Variants in PTPRD observed in about 807,000 individuals in gnomAD.
PTPRD encodes protein tyrosine phosphatase receptor type D.
PTPRD carries 34 observed loss-of-function variants against 214.5 expected under a neutral mutation model. That is an observed-to-expected ratio of 0.16 (90% CI 0.12 to 0.21). PTPRD has a LOEUF of 0.21. Ranked by LOEUF, PTPRD falls within the 10% of genes least tolerant of loss-of-function variation. PTPRD has a pLI of 1.00. For missense variants in PTPRD, 2,545 were observed against 2,398.7 expected (o/e 1.06, Z -1.27); for synonymous variants, 1,128 against 845.7 (o/e 1.33, Z -5.79).
chr9:10,469,238 A>G (rs1397544058), intron 2 of PTPRD, among the ~76,000 whole-genome samples: 1 of 152,194 alleles, frequency 6.6e-6, no homozygotes, highest in African/African-American at 2.4e-5. Context: ...CAACTTTCAG[A>G]ATATTCAGCA....
At chr9:8,378,318 T>A (rs529812615) in intron 37 of PTPRD, among the ~76,000 whole-genome samples, 7 of 152,208 alleles carry the variant, frequency 4.6e-5, no homozygotes, top group Admixed American at 1.3e-4. Context: ...GGCATCTCTA[T>A]ATGTTCTTTC....
intron 8 of PTPRD, among the ~76,000 whole-genome samples, chr9:9,519,410 C>A (rs1024373303): frequency 1.3e-5 from 2 of 151,756 alleles, no homozygotes; most frequent in African/African-American, 4.8e-5. Flanking sequence ...CAGGTTGATT[C>A]TTAGAAATGA....
intron 9 of PTPRD, among the ~76,000 whole-genome samples, chr9:9,300,131 T>C (rs559369775): frequency 9.3e-5 from 14 of 150,750 alleles, no homozygotes; most frequent in Non-Finnish European, 1.6e-4. Flanking sequence ...TTCCAATCCA[T>C]GAGCTACATG....
At chr9:8,817,662 A>G (rs1156543086) in intron 11 of PTPRD, among the ~76,000 whole-genome samples, 1 of 152,186 alleles carries the variant, frequency 6.6e-6, no homozygotes, top group African/African-American at 2.4e-5. Context: ...AAAACAAAAC[A>G]AAATAAAATA....
intron 34 of PTPRD, chr9:8,437,071 A>G (rs1252823779): frequency 4.3e-6 from 3 of 691,216 alleles, no homozygotes; most frequent in East Asian, 2.8e-5. Flanking sequence ...TGTGAAATGG[A>G]AATTGTGTGG....
chr9:10,255,962 T>C (rs2498616), intron 3 of PTPRD, among the ~76,000 whole-genome samples: 23,782 of 151,948 alleles, frequency 0.16, 1,957 homozygotes, highest in African/African-American at 0.2. Flanking sequence ...CAGAAGGAGG[T>C]GAGCAGCAGG....
intron 5 of PTPRD, among the ~76,000 whole-genome samples, chr9:9,814,147 A>G (rs966146333): frequency 4.6e-5 from 7 of 152,174 alleles, no homozygotes; most frequent in African/African-American, 1.7e-4. Context: ...CATGTAAATC[A>G]ACATAATAAA....
At chr9:9,912,383 T>C (rs981705912) in intron 5 of PTPRD, among the ~76,000 whole-genome samples, 2 of 152,164 alleles carry the variant, frequency 1.3e-5, no homozygotes, top group African/African-American at 4.8e-5. Flanking sequence ...CAGTCTCCCT[T>C]GTCAAATGCC....
At chr9:8,592,676 C>T (rs956147270) in intron 14 of PTPRD, among the ~76,000 whole-genome samples, 5 of 152,140 alleles carry the variant, frequency 3.3e-5, no homozygotes, top group Non-Finnish European at 7.4e-5. Context: ...ATCGTGGTTA[C>T]TGAGTGGCAG....
At chr9:9,889,460 T>C (rs950517123) in intron 5 of PTPRD, among the ~76,000 whole-genome samples, 1 of 152,156 alleles carries the variant, frequency 6.6e-6, no homozygotes, top group Non-Finnish European at 1.5e-5. Flanking sequence ...AGGCAACTCC[T>C]ACACTGAGAT....
At chr9:9,432,235 T>TA (rs961384626) in intron 8 of PTPRD, among the ~76,000 whole-genome samples, 3 of 152,026 alleles carry the variant, frequency 2.0e-5, no homozygotes, top group African/African-American at 7.2e-5. Flanking sequence ...AATCTAGTAT[T>TA]AAAAGTGGGG....
intron 9 of PTPRD, among the ~76,000 whole-genome samples, chr9:9,361,552 T>C (rs143876352): frequency 9.3e-5 from 14 of 151,140 alleles, no homozygotes; most frequent in Non-Finnish European, 1.6e-4. Context: ...ATAACAGAGG[T>C]ACATGTTTTT....
intron 3 of PTPRD, among the ~76,000 whole-genome samples, chr9:10,299,383 G>A (rs2154405763): frequency 6.6e-6 from 1 of 152,134 alleles, no homozygotes; most frequent in Non-Finnish European, 1.5e-5. Context: ...GGAAGGCAAG[G>A]GACTGAGATG....
chr9:9,403,397 T>C (rs976365583), intron 8 of PTPRD, among the ~76,000 whole-genome samples: 10 of 113,820 alleles, frequency 8.8e-5, no homozygotes, highest in African/African-American at 3.5e-4. Flanking sequence ...CATTTCTAAA[T>C]ATTGTTATAT....
At chr9:10,514,932 G>T (rs2049523276) in intron 2 of PTPRD, among the ~76,000 whole-genome samples, 1 of 151,732 alleles carries the variant, frequency 6.6e-6, no homozygotes, top group African/African-American at 2.4e-5. Context: ...GTAAAAAGAT[G>T]GATTAAATTA....
At chr9:8,373,626 T>G (rs1339208076) in intron 39 of PTPRD, among the ~76,000 whole-genome samples, 9 of 30,990 alleles carry the variant, frequency 2.9e-4, no homozygotes, top group Non-Finnish European at 1.6e-3. Flanking sequence ...TGTGTGTGTG[T>G]GTGTGTGTGT....
chr9:9,607,005 A>AAAAT lies in PTPRD; in HGVS notation c.-286-32225_-286-32224insATTT, dbSNP rs1187365479. On this transcript the variant is annotated intron_variant, in intron 7 of 45. Transcript: ENST00000381196. Reference sequence around the variant, plus strand: ...AAAAAAAAAAAAAAAAAAAAAAAAAAGTGTTTCTGCCATGTCACCGACCAG... The same window carrying AAAAT: ...AAAAAAAAAAAAAAAAAAAAAAAAAAAAATGTGTTTCTGCCATGTCACCGACCAG... Among the ~76,000 whole-genome samples, 127 of 119,674 alleles carry AAAAT rather than the reference A, an allele frequency of 1.1e-3. 26 individuals are homozygous for AAAAT. The highest frequency in any genetic ancestry group is 1.9e-3 in the African/African-American group (59 of 30,506). 78.5% of individuals were successfully genotyped at this position (119,674 alleles called of 152,430 possible).
chr9:9,623,690 T>C (rs994790263), intron 7 of PTPRD, among the ~76,000 whole-genome samples: 1 of 152,234 alleles, frequency 6.6e-6, no homozygotes, highest in Non-Finnish European at 1.5e-5. Flanking sequence ...GGATGCTTGC[T>C]ACAAATCCAA....
At chr9:10,304,268 T>C (rs2095975643) in intron 3 of PTPRD, among the ~76,000 whole-genome samples, 1 of 152,090 alleles carries the variant, frequency 6.6e-6, no homozygotes, top group South Asian at 2.1e-4. Context: ...TATCTCAAAA[T>C]AGTAAGAGCT....
Sources: gnomAD v4.1 joint callset for allele counts (sites outside exome capture counted in the v4.1 genomes callset) on GRCh38, gnomAD v4.1.1 for gene constraint, MANE v1.5 for transcripts, NCBI Gene and HGNC (gene_info 2026-07-23, HGNC 2026-07-21) for gene names.